STK38: variants seen among roughly 807,000 people sequenced by gnomAD.
STK38 encodes the protein serine/threonine kinase 38.
In STK38, 26 loss-of-function variants were observed where a neutral mutation model predicts 59.0. The ratio of observed to expected loss-of-function variants is 0.44; its 90% CI spans 0.32 to 0.61. The LOEUF is 0.61. Among genes scored for constraint, STK38 ranks in the 20% least tolerant of loss-of-function variants. The probability of loss-of-function intolerance (pLI) is 0.04; values close to 1 mark genes in which losing one functional copy is unlikely to be tolerated. For missense variants in STK38, 433 were observed against 566.0 expected (o/e 0.76, Z 2.38); for synonymous variants, 175 against 176.6 (o/e 0.99, Z 0.07).
chr6:36,509,269 C>T (rs752104828), intron 7 of STK38, among the ~76,000 whole-genome samples: 2 of 152,152 alleles, frequency 1.3e-5, no homozygotes, highest in Admixed American at 1.3e-4. Context: ...TGCTCCTTTC[C>T]GCAAGCAGGT....
At chr6:36,523,930 T>C (rs866295981) in intron 4 of STK38, among the ~76,000 whole-genome samples, 4 of 152,296 alleles carry the variant, frequency 2.6e-5, no homozygotes, top group African/African-American at 9.6e-5. Flanking sequence ...GTTCAGGAAG[T>C]AGAGCCCAAC....
At chr6:36,526,518 G>C (rs944633913) in intron 2 of STK38, among the ~76,000 whole-genome samples, 9 of 152,174 alleles carry the variant, frequency 5.9e-5, no homozygotes, top group African/African-American at 2.2e-4. Context: ...CCAGCACTTT[G>C]GGAGGTGAGG....
rs1217591702 is a variant in STK38 at position 36,516,050 on chromosome 6, T to C, written c.515-558A>G. 2.0e-5 allele frequency among the ~76,000 whole-genome samples: 3 copies of C among 152,266 alleles called. No individual in the cohort carries two copies. In the East Asian group the frequency reaches 5.8e-4, roughly 29 times the overall value. ...AGCATTAGTCAACAAAAGCTAAAAATGAACTGAAAATGCTATACACTAGAA... is the reference window on the plus strand; with the variant it reads ...AGCATTAGTCAACAAAAGCTAAAAACGAACTGAAAATGCTATACACTAGAA... On this transcript the variant is annotated intron_variant, in intron 6 of 13. Coordinates refer to ENST00000229812, the MANE Select transcript of STK38 (RefSeq NM_007271.4).
intron 2 of STK38, among the ~76,000 whole-genome samples, chr6:36,534,218 T>G (rs760149309): frequency 2.0e-5 from 3 of 151,970 alleles, no homozygotes; most frequent in African/African-American, 7.3e-5. Context: ...ATGACCATTA[T>G]GGAGATGATG....
At chr6:36,523,329 C>A (rs1004421155) in intron 4 of STK38, among the ~76,000 whole-genome samples, 4 of 139,060 alleles carry the variant, frequency 2.9e-5, no homozygotes, top group Non-Finnish European at 6.1e-5. Context: ...ATGGTGCAAT[C>A]TCGGCTCACT....
chr6:36,495,583 G>A lies in STK38; in HGVS notation c.*201C>T. On this transcript the variant is annotated 3_prime_UTR_variant, in exon 14 of 14. Transcript: ENST00000229812. ...AGCAGGATAGCTGTTTATGGCCGAC[G>A]TAGTAGAAATGGTTGTCTTTGTTTA... 7.0e-6 allele frequency: 4 copies of A among 573,270 alleles called. No individual in the cohort carries two copies. The highest frequency in any genetic ancestry group is 3.3e-5 in the Admixed American group (1 of 30,580). 35.5% of individuals were successfully genotyped at this position (573,270 alleles called of 1,614,324 possible).
chr6:36,538,752 C>T (rs1361178556), intron 2 of STK38, among the ~76,000 whole-genome samples: 7 of 151,816 alleles, frequency 4.6e-5, no homozygotes, highest in Non-Finnish European at 8.8e-5. Context: ...ATTAGCTGGG[C>T]GTGGTGGCGC....
chr6:36,541,522 GA>G (rs1180618291), intron 1 of STK38, among the ~76,000 whole-genome samples: 1 of 152,122 alleles, frequency 6.6e-6, no homozygotes, highest in Non-Finnish European at 1.5e-5. Context: ...ATCACAAAGG[GA>G]AATTAGGGAT....
chr6:36,519,023 T>C (rs2127477891), intron 5 of STK38, among the ~76,000 whole-genome samples: 1 of 152,324 alleles, frequency 6.6e-6, no homozygotes, highest in Non-Finnish European at 1.5e-5. Context: ...TACTCTTCCA[T>C]TTCAACACCC....
intron 9 of STK38, among the ~76,000 whole-genome samples, chr6:36,500,997 G>A (rs941256574): frequency 2.0e-5 from 3 of 151,678 alleles, no homozygotes; most frequent in African/African-American, 7.3e-5. Context: ...TCCCTTTGTG[G>A]GCCCAGGCTG....
intron 9 of STK38, among the ~76,000 whole-genome samples, chr6:36,501,507 CATTAAAAAG>C (rs1776838700): frequency 6.6e-6 from 1 of 150,488 alleles, no homozygotes; most frequent in African/African-American, 2.4e-5. Context: ...CCATTACCCA[CATTAAAAAG>C]ATTAATAATT....
chr6:36,503,311 T>C (rs1365788093), intron 9 of STK38, among the ~76,000 whole-genome samples: 3 of 152,134 alleles, frequency 2.0e-5, no homozygotes, highest in Non-Finnish European at 4.4e-5. Flanking sequence ...CTCTTTACTC[T>C]GAGGTCATAA....
chr6:36,513,894 G>A (rs919520102), intron 7 of STK38, among the ~76,000 whole-genome samples: 9 of 136,280 alleles, frequency 6.6e-5, no homozygotes, highest in Non-Finnish European at 7.7e-5. Context: ...GGTGGCTCAC[G>A]CCTGTAATCC....
chr6:36,534,953 G>A (rs946027499), intron 2 of STK38, among the ~76,000 whole-genome samples: 1 of 150,802 alleles, frequency 6.6e-6, no homozygotes, highest in South Asian at 2.1e-4. Context: ...AAAAAATCTA[G>A]ACTAATTAGA....
At chr6:36,527,211 T>A (rs1200175844) in intron 2 of STK38, among the ~76,000 whole-genome samples, 154 of 123,648 alleles carry the variant, frequency 1.2e-3, no homozygotes, top group African/African-American at 3.7e-3. Context: ...AAAAAAAATA[T>A]ATGTATATAT....
intron 6 of STK38, among the ~76,000 whole-genome samples, chr6:36,516,490 G>T (rs1044411437): frequency 2.0e-5 from 3 of 152,164 alleles, no homozygotes; most frequent in Non-Finnish European, 4.4e-5. Flanking sequence ...ATTTCATTTA[G>T]AACATTATGT....
At position 36,525,640 on chromosome 6, in the gene STK38, T is replaced by A; in HGVS notation, c.134A>T (p.Gln45Leu). Reference sequence around the variant, plus strand: ...TTCCATCACCTTTTCTAACTTCTTTTGTCTAAAACAAACAAAAACAAAAGA... The same window carrying A: ...TTCCATCACCTTTTCTAACTTCTTTAGTCTAAAACAAACAAAAACAAAAGA... Reference protein sequence around the residue: ...IAQHEEREMRQKKLEKVMEEE... With the variant: ...IAQHEEREMRLKKLEKVMEEE... The change falls in exon 3 of 14, where the codon CAA becomes CTA. Residue 45 changes from glutamine to leucine, a missense_variant and splice_region_variant. Coordinates refer to ENST00000229812, the MANE Select transcript of STK38 (RefSeq NM_007271.4). 6.2e-7 allele frequency: 1 copy of A among 1,613,310 alleles called. No individual in the cohort carries two copies. The highest frequency in any genetic ancestry group is 8.5e-7 in the Non-Finnish European group (1 of 1,179,430).
intron 8 of STK38, among the ~76,000 whole-genome samples, chr6:36,506,966 A>G (rs1380999642): frequency 6.6e-6 from 1 of 152,206 alleles, no homozygotes; most frequent in Non-Finnish European, 1.5e-5. Context: ...CGTGGACCTA[A>G]AACAGTCACA....
At chr6:36,503,172 T>C (rs930202268) in intron 9 of STK38, among the ~76,000 whole-genome samples, 4 of 152,216 alleles carry the variant, frequency 2.6e-5, no homozygotes, top group South Asian at 4.1e-4. Flanking sequence ...AATTCCAAAG[T>C]AGCTGTACTG....
Sources: gnomAD v4.1 joint callset for allele counts (sites outside exome capture counted in the v4.1 genomes callset) on GRCh38, gnomAD v4.1.1 for gene constraint, MANE v1.5 for transcripts, NCBI Gene and HGNC (gene_info 2026-07-23, HGNC 2026-07-21) for gene names.